The following SIPA1L1 variants were observed in gnomAD, a reference collection of about 807,000 sequenced individuals.
SIPA1L1 encodes signal-induced proliferation-associated 1-like protein 1.
Under a neutral mutation model 162.7 loss-of-function variants are expected in SIPA1L1, and 26 were observed. The observed-to-expected ratio is 0.16, with a 90% CI of 0.12 to 0.22. The LOEUF (loss-of-function observed/expected upper bound fraction) is 0.22, where lower values mean the gene tolerates loss of function less well. Ranked by LOEUF, SIPA1L1 falls within the 10% of genes least tolerant of loss-of-function variation. The probability of loss-of-function intolerance (pLI) is 1.00; values close to 1 mark genes in which losing one functional copy is unlikely to be tolerated. For synonymous variants in SIPA1L1, 829 were observed against 837.4 expected (o/e 0.99, Z 0.17); for missense variants, 1,874 against 2,241.0 (o/e 0.84, Z 3.31).
intron 2 of SIPA1L1, among the ~76,000 whole-genome samples, chr14:71,389,365 T>A (rs903124995): frequency 6.6e-6 from 1 of 152,230 alleles, no homozygotes. Context: ...GTGCATTCCT[T>A]CATAGTTTCT....
At chr14:71,356,578 A>AAAAAAAAAAAAAAAAAAAAAAAC (rs1436152782) in intron 2 of SIPA1L1, among the ~76,000 whole-genome samples, 1 of 143,372 alleles carries the variant, frequency 7.0e-6, no homozygotes, top group Admixed American at 7.0e-5. Flanking sequence ...AAAAAAAAAA[A>AAAAAAAAAAAAAAAAAAAAAAAC]AAAAAAAAAG....
At chr14:71,542,292 T>TC (rs763501289) in intron 4 of SIPA1L1, among the ~76,000 whole-genome samples, 4 of 148,632 alleles carry the variant, frequency 2.7e-5, no homozygotes, top group Non-Finnish European at 6.0e-5. Flanking sequence ...CTCCTCTTCC[T>TC]CTTCTCCTCT....
chr14:71,500,514 C>T (rs1033375117), intron 2 of SIPA1L1, among the ~76,000 whole-genome samples: 27 of 151,690 alleles, frequency 1.8e-4, no homozygotes, highest in East Asian at 1.9e-4. Context: ...CAGCTCTGCT[C>T]GTGGAAGTAT....
At chr14:71,689,290 GTC>G (rs1218522615) in intron 13 of SIPA1L1, among the ~76,000 whole-genome samples, 1 of 152,140 alleles carries the variant, frequency 6.6e-6, no homozygotes, top group Non-Finnish European at 1.5e-5. Context: ...ATAGAATAAA[GTC>G]TAATTTCTAT....
At chr14:71,459,176 C>T (rs889959536) in intron 2 of SIPA1L1, among the ~76,000 whole-genome samples, 2 of 152,052 alleles carry the variant, frequency 1.3e-5, no homozygotes, top group Non-Finnish European at 2.9e-5. Context: ...CTCACAAGAT[C>T]CCCATTTTAA....
intron 2 of SIPA1L1, among the ~76,000 whole-genome samples, chr14:71,490,867 C>G (rs1185183841): frequency 6.6e-6 from 1 of 152,162 alleles, no homozygotes; most frequent in Non-Finnish European, 1.5e-5. Context: ...TAAGTTTTAG[C>G]TACCTGATAT....
intron 17 of SIPA1L1, among the ~76,000 whole-genome samples, chr14:71,721,561 C>CA (rs2083737210): frequency 6.6e-6 from 1 of 152,190 alleles, no homozygotes; most frequent in Non-Finnish European, 1.5e-5. Context: ...GGGTCTGGAA[C>CA]GCCACTCAGG....
chr14:71,655,594 A>T lies in SIPA1L1; in HGVS notation c.1994-2739A>T, dbSNP rs117440071. Among the ~76,000 whole-genome samples the T allele has an allele frequency of 6.8e-3, 1,028 of 152,246 alleles. 9 individuals carry two copies. The highest frequency in any genetic ancestry group is 0.011 in the Non-Finnish European group (781 of 68,010). On this transcript the variant is annotated intron_variant, in intron 8 of 23. Transcript: ENST00000381232. ...TAATTTACATTCCCATGAACAGTGT[A>T]TGTATATTTTCTTTTCTCAAAATCC...
chr14:71,629,510 T>C (rs543109145), intron 7 of SIPA1L1, among the ~76,000 whole-genome samples: 2 of 152,294 alleles, frequency 1.3e-5, no homozygotes, highest in East Asian at 3.9e-4. Context: ...GAAACTGGAA[T>C]TATATTGCTG....
At chr14:71,713,895 T>G (rs2083066369) in intron 17 of SIPA1L1, among the ~76,000 whole-genome samples, 1 of 152,180 alleles carries the variant, frequency 6.6e-6, no homozygotes, top group Non-Finnish European at 1.5e-5. Context: ...TTTTTTTAGT[T>G]ACTAACAATT....
At chr14:71,613,803 A>C (rs1310330312) in intron 5 of SIPA1L1, among the ~76,000 whole-genome samples, 1 of 152,184 alleles carries the variant, frequency 6.6e-6, no homozygotes, top group Non-Finnish European at 1.5e-5. Context: ...CTGATAGGAA[A>C]ACAAATTTAA....
chr14:71,590,044 A>AATATATATATATATATAT (rs58833289), intron 5 of SIPA1L1, among the ~76,000 whole-genome samples: 9 of 59,584 alleles, frequency 1.5e-4, no homozygotes, highest in Non-Finnish European at 2.3e-4. Flanking sequence ...AAAAAAAAAA[A>AATATATATATATATATAT]ATATATATAT....
intron 12 of SIPA1L1, among the ~76,000 whole-genome samples, chr14:71,682,835 C>T (rs910404978): frequency 6.6e-6 from 1 of 152,158 alleles, no homozygotes; most frequent in Non-Finnish European, 1.5e-5. Context: ...CTGCCTGATG[C>T]AAAATGGACT....
intron 4 of SIPA1L1, among the ~76,000 whole-genome samples, chr14:71,578,110 C>T (rs749833231): frequency 6.6e-6 from 1 of 152,054 alleles, no homozygotes; most frequent in Non-Finnish European, 1.5e-5. Flanking sequence ...GGGGTTTCAC[C>T]ATGTGGGCCA....
intron 3 of SIPA1L1, among the ~76,000 whole-genome samples, chr14:71,516,771 G>C: frequency 6.6e-6 from 1 of 151,832 alleles, no homozygotes; most frequent in Non-Finnish European, 1.5e-5. Context: ...TGAGGAGTTT[G>C]AGACCAGCCT....
intron 4 of SIPA1L1, among the ~76,000 whole-genome samples, chr14:71,552,993 C>T (rs757150632): frequency 7.2e-5 from 11 of 152,140 alleles, no homozygotes; most frequent in Non-Finnish European, 1.6e-4. Flanking sequence ...CCTCTACCCA[C>T]GAGATGCCAA....
At chr14:71,394,415 A>G in intron 2 of SIPA1L1, among the ~76,000 whole-genome samples, 1 of 152,238 alleles carries the variant, frequency 6.6e-6, no homozygotes, top group East Asian at 1.9e-4. Flanking sequence ...TATGTCATTC[A>G]TCTCCTGCTG....
At chr14:71,687,981 T>G (rs2080991236) in intron 13 of SIPA1L1, among the ~76,000 whole-genome samples, 1 of 152,206 alleles carries the variant, frequency 6.6e-6, no homozygotes, top group African/African-American at 2.4e-5. Flanking sequence ...CTTAGATGAC[T>G]TGTGAGATCT....
intron 15 of SIPA1L1, 47 bp downstream of exon 15, chr14:71,702,552 CTT>C: frequency 6.4e-7 from 1 of 1,564,028 alleles, no homozygotes; most frequent in Non-Finnish European, 8.8e-7. Context: ...TACAAGGTGA[CTT>C]AGGTCACCTC....
Sources: gnomAD v4.1 joint callset for allele counts (sites outside exome capture counted in the v4.1 genomes callset) on GRCh38, gnomAD v4.1.1 for gene constraint, MANE v1.5 for transcripts, NCBI Gene and HGNC (gene_info 2026-07-23, HGNC 2026-07-21) for gene names.